OSBPL6: variants seen among roughly 807,000 people sequenced by gnomAD.
OSBPL6 encodes oxysterol binding protein like 6.
Under a neutral mutation model 125.8 loss-of-function variants are expected in OSBPL6, and 49 were observed. The ratio of observed to expected loss-of-function variants is 0.39; its 90% CI spans 0.31 to 0.49. The LOEUF is 0.49. Ranked by LOEUF, OSBPL6 falls within the 20% of genes least tolerant of loss-of-function variation. OSBPL6 has a pLI of 0.88. For missense variants in OSBPL6, 986 were observed against 1,135.4 expected (o/e 0.87, Z 1.89); for synonymous variants, 394 against 391.8 (o/e 1.01, Z -0.07).
intron 3 of OSBPL6, among the ~76,000 whole-genome samples, chr2:178,307,933 C>T (rs1353143381): frequency 6.6e-6 from 1 of 152,134 alleles, no homozygotes; most frequent in African/African-American, 2.4e-5. Flanking sequence ...ACACTGAGAC[C>T]CTGGTGTGCC....
intron 2 of OSBPL6, among the ~76,000 whole-genome samples, chr2:178,296,550 AAAAAC>A (rs965442835): frequency 3.9e-5 from 6 of 152,196 alleles, no homozygotes; most frequent in Admixed American, 6.5e-5. Context: ...ATCAGCTCTT[AAAAAC>A]AAAACAAAAC....
At chr2:178,344,242 C>T (rs1690487416) in intron 11 of OSBPL6, 1 of 1,512,312 alleles carries the variant, frequency 6.6e-7, no homozygotes, top group African/African-American at 1.4e-5. Flanking sequence ...ATCCTTTCCT[C>T]CCCCGTCCTG....
At chr2:178,335,249 T>C (rs935785758) in intron 8 of OSBPL6, among the ~76,000 whole-genome samples, 1 of 152,136 alleles carries the variant, frequency 6.6e-6, no homozygotes, top group African/African-American at 2.4e-5. Context: ...TCATCCCTTA[T>C]TTGTTAAATA....
chr2:178,266,110 T>G (rs987373953), intron 1 of OSBPL6, among the ~76,000 whole-genome samples: 2 of 152,070 alleles, frequency 1.3e-5, no homozygotes, highest in African/African-American at 4.8e-5. Flanking sequence ...GAATTTGCTT[T>G]AGGAATTAAG....
In OSBPL6 at chr2:178,251,341, A is replaced by G. The variant is rs569798315; in HGVS notation, c.-350-33586A>G. Among the ~76,000 whole-genome samples, 3 of 151,888 alleles carry G rather than the reference A, an allele frequency of 2.0e-5. No homozygotes were observed. In the East Asian group the frequency reaches 5.8e-4, roughly 29 times the overall value. On this transcript the variant is annotated intron_variant, in intron 1 of 24. Transcript: ENST00000190611. The stretch of plus-strand genomic sequence containing the variant: ...CTGTCAGTATTATAAAGTCAGACTT[A>G]GCAACGGTTACTATGGTTCTTTTTT...
In OSBPL6 at chr2:178,289,260, C is replaced by T. The variant is rs184066396; in HGVS notation, c.-156+4139C>T. On this transcript the variant is annotated intron_variant, in intron 2 of 24. Transcript: ENST00000190611. ...CTCAAAGTCGTGACCTCATGATCCA[C>T]CCGCCTCGGCCTCCCAGAGTGCTGG... Among the ~76,000 whole-genome samples the T allele has an allele frequency of 3.3e-5, 5 of 152,246 alleles. No individual in the cohort carries two copies. The East Asian group carries it at 9.7e-4, about 29-fold the overall frequency.
chr2:178,383,493 G>A lies in OSBPL6; in HGVS notation c.1875+216G>A, dbSNP rs1694674330. Among the ~76,000 whole-genome samples, 3 of 152,216 alleles carry A rather than the reference G, an allele frequency of 2.0e-5. No homozygotes were observed. In the South Asian group the frequency reaches 6.2e-4, roughly 31 times the overall value. On this transcript the variant is annotated intron_variant, in intron 17 of 24. Transcript: ENST00000190611. ...TTTTGTGCCTTATCCTTGGTCTAGA[G>A]TGTTTCTAAAGTTAAGGTGTAAAGG...
intron 12 of OSBPL6, among the ~76,000 whole-genome samples, chr2:178,359,459 G>T (rs78857562): frequency 6.6e-6 from 1 of 152,004 alleles, no homozygotes; most frequent in Non-Finnish European, 1.5e-5. Context: ...GGGAGTGTAC[G>T]TTGGTGCAGC....
intron 1 of OSBPL6, among the ~76,000 whole-genome samples, chr2:178,219,059 G>A (rs879452272): frequency 4.6e-5 from 7 of 151,824 alleles, no homozygotes; most frequent in Non-Finnish European, 7.4e-5. Context: ...GCTTTGACTC[G>A]ATTCCCTTTT....
chr2:178,292,668 T>C (rs549931521), intron 2 of OSBPL6, among the ~76,000 whole-genome samples: 3 of 152,136 alleles, frequency 2.0e-5, no homozygotes, highest in South Asian at 2.1e-4. Flanking sequence ...GCAAAGTCTA[T>C]TGAGTGTCCA....
intron 13 of OSBPL6, among the ~76,000 whole-genome samples, chr2:178,362,203 G>C (rs182814262): frequency 6.6e-6 from 1 of 152,150 alleles, no homozygotes; most frequent in African/African-American, 2.4e-5. Flanking sequence ...AAATGTACTA[G>C]ATCTTCCACA....
chr2:178,346,945 C>T (rs1300241405), intron 11 of OSBPL6, among the ~76,000 whole-genome samples: 2 of 152,072 alleles, frequency 1.3e-5, no homozygotes, highest in Admixed American at 6.5e-5. Context: ...CCCAGGGAAC[C>T]ATCTGATTGC....
intron 4 of OSBPL6, among the ~76,000 whole-genome samples, chr2:178,326,840 C>T (rs1276654157): frequency 1.3e-5 from 2 of 152,168 alleles, no homozygotes; most frequent in African/African-American, 4.8e-5. Flanking sequence ...TTATTTGCTC[C>T]AAGCTGTCAC....
At chr2:178,278,617 G>C (rs373410384) in intron 1 of OSBPL6, among the ~76,000 whole-genome samples, 11 of 152,232 alleles carry the variant, frequency 7.2e-5, no homozygotes, top group South Asian at 4.2e-4. Flanking sequence ...GTAGTTACTA[G>C]GTAACAATGA....
chr2:178,328,291 A>T lies in OSBPL6; in HGVS notation c.231A>T (p.Lys77Asn). 6.2e-7 allele frequency: 1 copy of T among 1,613,938 alleles called. No homozygotes were observed. The highest frequency in any genetic ancestry group is 8.5e-7 in the Non-Finnish European group (1 of 1,179,850). The change falls in exon 5 of 25, where the codon AAA (lysine) becomes AAT (asparagine). Residue 77 changes from lysine to asparagine, a missense_variant. By Grantham distance (94) the Lys-to-Asn change is moderately conservative. Transcript: ENST00000190611. ...GCTGGGAAATTATAGAAGGGCTGAA[A>T]ATAGGCCAAACCAATGTCCAGAAAC... Reference protein sequence around the residue: ...ADSWEIIEGLKIGQTNVQKPD... With the variant: ...ADSWEIIEGLNIGQTNVQKPD...
At chr2:178,366,777 T>A (rs957378257) in intron 13 of OSBPL6, among the ~76,000 whole-genome samples, 36 of 152,276 alleles carry the variant, frequency 2.4e-4, no homozygotes, top group African/African-American at 8.7e-4. Flanking sequence ...TTCCTTAATT[T>A]CATAGTTCCC....
intron 5 of OSBPL6, among the ~76,000 whole-genome samples, chr2:178,329,130 T>G (rs1048903110): frequency 6.6e-6 from 1 of 152,186 alleles, no homozygotes; most frequent in Non-Finnish European, 1.5e-5. Context: ...TCCTTACACA[T>G]GAACTTCTAT....
intron 1 of OSBPL6, among the ~76,000 whole-genome samples, chr2:178,248,177 A>G (rs1413172380): frequency 6.6e-6 from 1 of 152,196 alleles, no homozygotes; most frequent in Non-Finnish European, 1.5e-5. Context: ...ATATAAGAAG[A>G]CCATATTCTT....
chr2:178,213,879 G>T (rs1433433225), intron 1 of OSBPL6, among the ~76,000 whole-genome samples: 1 of 152,168 alleles, frequency 6.6e-6, no homozygotes, highest in South Asian at 2.1e-4. Context: ...CCTCTGCCTG[G>T]CTACTGCCTG....
Sources: gnomAD v4.1 joint callset for allele counts (sites outside exome capture counted in the v4.1 genomes callset) on GRCh38, gnomAD v4.1.1 for gene constraint, MANE v1.5 for transcripts, NCBI Gene and HGNC (gene_info 2026-07-23, HGNC 2026-07-21) for gene names.